Variants in NEBL observed in about 807,000 individuals in gnomAD.
NEBL encodes the protein LIM and SH3 protein 2.
In NEBL, 122 loss-of-function variants were observed where a neutral mutation model predicts 140.2. That is an observed-to-expected ratio of 0.87 (90% CI 0.75 to 1.01). NEBL has a LOEUF of 1.01. Among genes scored for constraint, NEBL ranks in the 50% least tolerant of loss-of-function variants. The pLI, the probability that NEBL is intolerant of heterozygous loss-of-function variation, is 0.00. For missense variants in NEBL, 1,365 were observed against 1,231.3 expected (o/e 1.11, Z -1.62); for synonymous variants, 436 against 398.9 (o/e 1.09, Z -1.11).
intron 2 of NEBL, among the ~76,000 whole-genome samples, chr10:21,042,741 T>C (rs955347658): frequency 6.6e-6 from 1 of 152,234 alleles, no homozygotes; most frequent in Non-Finnish European, 1.5e-5. Context: ...TTTTAACCAT[T>C]GACCAGCAAA....
intron 26 of NEBL, among the ~76,000 whole-genome samples, chr10:20,796,392 A>AAC (rs1836543593): frequency 6.7e-6 from 1 of 149,046 alleles, no homozygotes; most frequent in Non-Finnish European, 1.5e-5. Flanking sequence ...AAAAAAAAAA[A>AAC]AACTTCTCTA....
intron 2 of NEBL, among the ~76,000 whole-genome samples, chr10:21,044,333 G>T (rs1834406067): frequency 7.2e-6 from 1 of 138,358 alleles, no homozygotes; most frequent in Admixed American, 7.8e-5. Context: ...GGAGGCGGAG[G>T]TTGAAGTGAG....
intron 4 of NEBL, among the ~76,000 whole-genome samples, chr10:20,935,014 T>C (rs186839789): frequency 6.6e-6 from 1 of 152,308 alleles, no homozygotes; most frequent in East Asian, 1.9e-4. Flanking sequence ...ATTTTATTTA[T>C]TCGTTAAAAC....
intron 3 of NEBL, among the ~76,000 whole-genome samples, chr10:20,975,452 G>A (rs1041317817): frequency 6.6e-6 from 1 of 152,106 alleles, no homozygotes; most frequent in Non-Finnish European, 1.5e-5. Context: ...GTTCCACTAT[G>A]TGGAAACCAT....
intron 3 of NEBL, among the ~76,000 whole-genome samples, chr10:20,997,958 A>C (rs550459386): frequency 6.6e-6 from 1 of 152,344 alleles, no homozygotes; most frequent in South Asian, 2.1e-4. Flanking sequence ...AATTAAAAGT[A>C]TTAAAAACAT....
intron 4 of NEBL, among the ~76,000 whole-genome samples, chr10:20,946,547 T>C (rs1351177280): frequency 6.6e-6 from 1 of 152,118 alleles, no homozygotes; most frequent in Non-Finnish European, 1.5e-5. Flanking sequence ...CTGCAACCTC[T>C]GCTTCCTGAG....
At chr10:20,791,737 G>A (rs774950089) in intron 26 of NEBL, among the ~76,000 whole-genome samples, 2 of 152,018 alleles carry the variant, frequency 1.3e-5, no homozygotes, top group Non-Finnish European at 2.9e-5. Context: ...CTGGAAAAGA[G>A]GAAATATACG....
intron 4 of NEBL, among the ~76,000 whole-genome samples, chr10:20,925,114 G>T (rs147516110): frequency 3.9e-5 from 6 of 152,074 alleles, no homozygotes; most frequent in Middle Eastern, 6.8e-3. Flanking sequence ...AGATCCCCCA[G>T]GCTCCTTTTG....
chr10:21,105,995 G>A (rs1837699243), intron 2 of NEBL, among the ~76,000 whole-genome samples: 1 of 151,962 alleles, frequency 6.6e-6, no homozygotes. Flanking sequence ...CTTCTGAGAG[G>A]TGTCTGTTCA....
chr10:21,158,502 T>C (rs1301720213), intron 2 of NEBL, among the ~76,000 whole-genome samples: 1 of 152,198 alleles, frequency 6.6e-6, no homozygotes, highest in Non-Finnish European at 1.5e-5. Context: ...ATCACCATTT[T>C]GTAGGTGAGG....
chr10:20,890,018 T>A (rs207470749), intron 2 of NEBL, 69 bp from the exon 3 acceptor site: 2 of 1,021,230 alleles, frequency 2.0e-6, no homozygotes, highest in East Asian at 4.8e-5. Flanking sequence ...TTTTGAATGA[T>A]AATTAGGTTG....
chr10:20,800,695 TAA>T (rs751536949), intron 26 of NEBL, among the ~76,000 whole-genome samples: 7 of 146,952 alleles, frequency 4.8e-5, no homozygotes, highest in Non-Finnish European at 9.0e-5. Context: ...ATGCTCACAA[TAA>T]GAGAGGTTGC....
rs11012351 is a variant in NEBL at position 20,819,501 on chromosome 10, G to T, written c.1978C>A (p.Gln660Lys). 36 of 1,613,994 alleles carry T rather than the reference G, an allele frequency of 2.2e-5. No individual in the cohort carries two copies. The East Asian group carries it at 6.7e-4, about 30-fold the overall frequency. Residue 660 changes from glutamine (Q) to lysine (K), a missense_variant, in exon 20 of 28, where the codon CAA becomes AAA. Around this residue, in one of 2 missense-constraint regions of NEBL, gnomAD observed 1,323 missense variants for 1,154.8 expected, o/e 1.15. Transcript: ENST00000377122. ...KNISNLQYKEQNYKATPVSMT... is the reference protein window; with the variant it reads ...KNISNLQYKEKNYKATPVSMT... Reference sequence around the variant, plus strand: ...CTTACCGGAGTGGCCTTGTAGTTTTGCTCTTTATACTGGAGCTGAGAGACA... The same window carrying T: ...CTTACCGGAGTGGCCTTGTAGTTTTTCTCTTTATACTGGAGCTGAGAGACA...
At chr10:21,264,298 G>A (rs910934695) in intron 1 of NEBL, among the ~76,000 whole-genome samples, 6 of 152,144 alleles carry the variant, frequency 3.9e-5, no homozygotes, top group Admixed American at 1.3e-4. Context: ...CCCCTACCAC[G>A]GTGCTGGGAC....
intron 2 of NEBL, among the ~76,000 whole-genome samples, chr10:21,087,392 CT>C (rs1193221231): frequency 6.6e-6 from 1 of 152,124 alleles, no homozygotes; most frequent in Non-Finnish European, 1.5e-5. Flanking sequence ...TTCATTCTCA[CT>C]TTAGAAAACA....
At chr10:21,199,113 C>T (rs1841694910) in intron 3 of NEBL, among the ~76,000 whole-genome samples, 2 of 151,908 alleles carry the variant, frequency 1.3e-5, no homozygotes. Flanking sequence ...CAGCCTCCAA[C>T]TCCTAGGCTC....
At chr10:21,274,596 T>C (rs1842897118) in intron 1 of NEBL, among the ~76,000 whole-genome samples, 1 of 152,028 alleles carries the variant, frequency 6.6e-6, no homozygotes, top group Non-Finnish European at 1.5e-5. Flanking sequence ...TGGCTAATTT[T>C]TGCATTTTTA....
At chr10:21,095,637 T>A (rs986901167) in intron 2 of NEBL, among the ~76,000 whole-genome samples, 25 of 152,144 alleles carry the variant, frequency 1.6e-4, no homozygotes, top group Non-Finnish European at 3.4e-4. Context: ...ATCTTGAAGG[T>A]TTTTGAAATC....
At chr10:20,846,601 C>T (rs962207575) in intron 11 of NEBL, among the ~76,000 whole-genome samples, 2 of 152,060 alleles carry the variant, frequency 1.3e-5, no homozygotes, top group Non-Finnish European at 1.5e-5. Context: ...CCAAAAACAA[C>T]GACTAGAAAC....
Sources: gnomAD v4.1 joint callset for allele counts (sites outside exome capture counted in the v4.1 genomes callset) on GRCh38, gnomAD v4.1.1 for gene constraint, gnomAD v4.1.1 regional missense constraint, MANE v1.5 for transcripts, NCBI Gene and HGNC (gene_info 2026-07-23, HGNC 2026-07-21) for gene names.